The following CSMD2 variants were observed in gnomAD, a reference collection of about 807,000 sequenced individuals.
The protein encoded by CSMD2 is CUB and Sushi multiple domains 2, also known as CUB and sushi domain-containing protein 2.
In CSMD2, 130 loss-of-function variants were observed where a neutral mutation model predicts 398.5. That is an observed-to-expected ratio of 0.33 (90% CI 0.28 to 0.38). The LOEUF is 0.38. Among genes scored for constraint, CSMD2 ranks in the 10% least tolerant of loss-of-function variants. The pLI, the probability that CSMD2 is intolerant of heterozygous loss-of-function variation, is 1.00. For synonymous variants in CSMD2, 1,828 were observed against 1,908.5 expected, an observed-to-expected ratio of 0.96 and a Z score of 1.10; for missense variants, 3,829 against 4,764.9, an observed-to-expected ratio of 0.80 and a Z score of 5.78.
chr1:33,573,447 G>C (rs962140315), intron 49 of CSMD2, among the ~76,000 whole-genome samples: 10 of 151,588 alleles, frequency 6.6e-5, no homozygotes, highest in African/African-American at 9.7e-5. Context: ...CTGATCAGTA[G>C]TATCTTGAGA....
At chr1:33,595,543 ATTAT>A (rs1639780916) in intron 44 of CSMD2, among the ~76,000 whole-genome samples, 1 of 152,158 alleles carries the variant, frequency 6.6e-6, no homozygotes, top group East Asian at 1.9e-4. Flanking sequence ...AAAACTTGTA[ATTAT>A]TTAATGTCTG....
intron 9 of CSMD2, among the ~76,000 whole-genome samples, chr1:33,816,075 G>T (rs1657430633): frequency 6.6e-6 from 1 of 152,042 alleles, no homozygotes; most frequent in Admixed American, 6.6e-5. Context: ...CCCTTTTACA[G>T]ATGAGGAAAA....
intron 47 of CSMD2, among the ~76,000 whole-genome samples, chr1:33,581,529 CAAAAAAAAAAAAAAA>C (rs59068586): frequency 5.4e-5 from 2 of 36,884 alleles, no homozygotes; most frequent in Admixed American, 4.5e-4. Context: ...GACTCAGTCT[CAAAAAAAAAAAAAAA>C]AAAAAAAAAA....
At chr1:33,877,839 T>G (rs1193798279) in intron 5 of CSMD2, among the ~76,000 whole-genome samples, 1 of 152,070 alleles carries the variant, frequency 6.6e-6, no homozygotes, top group African/African-American at 2.4e-5. Flanking sequence ...CCTGCCCTCT[T>G]TTCAGGATTG....
At chr1:33,554,185 CTTTTTT>C (rs397860875) in intron 55 of CSMD2, among the ~76,000 whole-genome samples, 7 of 74,380 alleles carry the variant, frequency 9.4e-5, no homozygotes, top group African/African-American at 3.8e-4. Flanking sequence ...AAAAAACAGC[CTTTTTT>C]TTTTTTTTTT....
chr1:33,604,996 C>T (rs1004584106), intron 42 of CSMD2, among the ~76,000 whole-genome samples: 5 of 152,196 alleles, frequency 3.3e-5, no homozygotes, highest in African/African-American at 1.2e-4. Context: ...AATGGGAGTC[C>T]TCCAGTCTGT....
At chr1:33,967,285 G>A (rs1449350553) in intron 3 of CSMD2, among the ~76,000 whole-genome samples, 1 of 151,268 alleles carries the variant, frequency 6.6e-6, no homozygotes, top group African/African-American at 2.4e-5. Flanking sequence ...GGGGTGGGGG[G>A]TAGTCTATAA....
intron 2 of CSMD2, among the ~76,000 whole-genome samples, chr1:34,044,040 C>T (rs1452458993): frequency 6.6e-6 from 1 of 152,154 alleles, no homozygotes; most frequent in East Asian, 1.9e-4. Context: ...TGCACCTTTT[C>T]CCCTTGCTGA....
At chr1:33,902,917 C>A (rs548702070) in intron 5 of CSMD2, among the ~76,000 whole-genome samples, 7 of 152,120 alleles carry the variant, frequency 4.6e-5, no homozygotes, top group Non-Finnish European at 1.0e-4. Flanking sequence ...GGACAGGTTG[C>A]TGGCAAATTG....
chr1:33,537,216 G>A lies in CSMD2; in HGVS notation c.9806-121C>T. On this transcript the variant is annotated intron_variant, in intron 61 of 70. Coordinates refer to ENST00000373381, the MANE Select transcript of CSMD2 (RefSeq NM_001281956.2). This position sits in a 1 kb window ranked among gnomAD's most constrained non-coding sequence, Gnocchi z 4.6. ...CCACATCCTGACTTCCCTGCCCACT[G>A]AGATCCCCACCTGAGCCTTGGCCCT... The A allele has an allele frequency of 8.4e-7, 1 of 1,194,386 alleles. No individual in the cohort carries two copies. Among genetic ancestry groups the A allele is most frequent in the Admixed American group, 1.9e-5 (1 of 53,558 alleles). 74.0% of individuals were successfully genotyped at this position (1,194,386 alleles called of 1,614,324 possible).
At chr1:33,594,553 T>C (rs1639710711) in intron 44 of CSMD2, among the ~76,000 whole-genome samples, 1 of 152,246 alleles carries the variant, frequency 6.6e-6, no homozygotes, top group Non-Finnish European at 1.5e-5. Flanking sequence ...AGGTTTTCTT[T>C]CATCTCAGAA....
chr1:33,678,786 C>T (rs1265854919), intron 25 of CSMD2, among the ~76,000 whole-genome samples: 1 of 152,142 alleles, frequency 6.6e-6, no homozygotes, highest in Non-Finnish European at 1.5e-5. Context: ...AGCCCAAATC[C>T]AGCATTGGTG....
intron 20 of CSMD2, 35 bp downstream of exon 20, chr1:33,716,251 G>A (rs372625104): frequency 9.8e-6 from 15 of 1,536,502 alleles, no homozygotes; most frequent in African/African-American, 1.4e-5. Context: ...ATAGCACCAT[G>A]GTCTCTTCCC....
chr1:33,747,010 G>T (rs1414533184), intron 13 of CSMD2, among the ~76,000 whole-genome samples: 1 of 152,078 alleles, frequency 6.6e-6, no homozygotes, highest in African/African-American at 2.4e-5. Flanking sequence ...AGTGGAAAAG[G>T]GTATGAATGA....
intron 25 of CSMD2, among the ~76,000 whole-genome samples, chr1:33,680,357 T>C (rs994340509): frequency 4.6e-5 from 7 of 152,156 alleles, no homozygotes; most frequent in African/African-American, 7.2e-5. Flanking sequence ...CACCAGCTCA[T>C]AGCTCTTTAC....
chr1:33,676,863 G>T (rs550522847), intron 25 of CSMD2, among the ~76,000 whole-genome samples: 8 of 152,222 alleles, frequency 5.3e-5, no homozygotes, highest in African/African-American at 1.9e-4. Context: ...ATGGGGAAAG[G>T]ATTCCCTATT....
At chr1:33,737,521 G>A (rs1256543363) in intron 15 of CSMD2, among the ~76,000 whole-genome samples, 3 of 152,228 alleles carry the variant, frequency 2.0e-5, no homozygotes, top group East Asian at 1.9e-4. Flanking sequence ...CTCTTCAAGC[G>A]GGTTCCCATT....
At chr1:33,586,068 A>G (rs1639064171) in intron 46 of CSMD2, among the ~76,000 whole-genome samples, 2 of 152,220 alleles carry the variant, frequency 1.3e-5, no homozygotes, top group South Asian at 4.1e-4. Context: ...AAGGCATGGT[A>G]CACTGGAATA....
At chr1:33,949,505 T>C (rs1003104580) in intron 3 of CSMD2, among the ~76,000 whole-genome samples, 5 of 152,208 alleles carry the variant, frequency 3.3e-5, no homozygotes, top group African/African-American at 1.2e-4. Context: ...CATTCGTGAA[T>C]AGTCCTACCC....
Sources: gnomAD v4.1 joint callset for allele counts (sites outside exome capture counted in the v4.1 genomes callset) on GRCh38, gnomAD v4.1.1 for gene constraint, Gnocchi (gnomAD v3.1) non-coding constraint, MANE v1.5 for transcripts, NCBI Gene and HGNC (gene_info 2026-07-23, HGNC 2026-07-21) for gene names.